The following AFF3 variants were observed in gnomAD, a reference collection of about 807,000 sequenced individuals.
AFF3 encodes AF4/FMR2 family member 3.
Under a neutral mutation model 129.7 loss-of-function variants are expected in AFF3, and 32 were observed. The ratio of observed to expected loss-of-function variants is 0.25; its 90% CI spans 0.19 to 0.33. The LOEUF (loss-of-function observed/expected upper bound fraction) is 0.33. Among genes scored for constraint, AFF3 ranks in the 10% least tolerant of loss-of-function variants. The probability of loss-of-function intolerance (pLI) is 1.00; values close to 1 mark genes in which losing one functional copy is unlikely to be tolerated. For synonymous variants in AFF3, 644 were observed against 635.4 expected (o/e 1.01, Z -0.20); for missense variants, 1,373 against 1,592.0 (o/e 0.86, Z 2.34).
At chr2:99,884,146 A>G (rs1174678105) in intron 7 of AFF3, among the ~76,000 whole-genome samples, 1 of 152,222 alleles carries the variant, frequency 6.6e-6, no homozygotes, top group Non-Finnish European at 1.5e-5. Flanking sequence ...TGAGCAGACA[A>G]CTATTTTTGA....
chr2:99,691,278 ATACT>A (rs760799570), intron 11 of AFF3, among the ~76,000 whole-genome samples: 6 of 152,166 alleles, frequency 3.9e-5, no homozygotes, highest in African/African-American at 1.2e-4. Context: ...GTTCAAGGGG[ATACT>A]TAGAGTCTCA....
intron 7 of AFF3, among the ~76,000 whole-genome samples, chr2:99,909,966 T>C (rs185991008): frequency 2.1e-4 from 32 of 152,210 alleles, no homozygotes; most frequent in African/African-American, 6.7e-4. Context: ...TTCCTCACAA[T>C]GTGACATTAT....
At chr2:99,576,904 T>C (rs1432995789) in intron 18 of AFF3, among the ~76,000 whole-genome samples, 1 of 152,178 alleles carries the variant, frequency 6.6e-6, no homozygotes, top group Non-Finnish European at 1.5e-5. Context: ...TCCCACTCCA[T>C]GCCCTCCCTG....
intron 7 of AFF3, among the ~76,000 whole-genome samples, chr2:99,935,485 A>G (rs920623472): frequency 2.6e-5 from 4 of 152,242 alleles, no homozygotes; most frequent in Non-Finnish European, 5.9e-5. Flanking sequence ...CTAAGAACAA[A>G]GTACCATGAA....
chr2:99,685,686 A>G (rs1674987669), intron 11 of AFF3, among the ~76,000 whole-genome samples: 1 of 152,140 alleles, frequency 6.6e-6, no homozygotes, highest in African/African-American at 2.4e-5. Context: ...TAAGTGCAAG[A>G]AAAAAAATTC....
chr2:99,915,836 G>T (rs369968234), intron 7 of AFF3, among the ~76,000 whole-genome samples: 253 of 152,046 alleles, frequency 1.7e-3, no homozygotes, highest in African/African-American at 5.9e-3. Context: ...TTTAATTATG[G>T]AATTGAATTG....
chr2:99,623,151 CT>C (rs77383046), intron 13 of AFF3, among the ~76,000 whole-genome samples: 7,206 of 124,124 alleles, frequency 0.058, 202 homozygotes, highest in African/African-American at 0.083. Context: ...ACCTCTGGTT[CT>C]TTTTTTTTTT....
intron 2 of AFF3, chr2:100,112,664 T>G (rs1691559335): frequency 6.6e-6 from 1 of 152,296 alleles, no homozygotes; most frequent in Admixed American, 6.5e-5. Context: ...CACTCCATCC[T>G]AGGTGAAAGA....
intron 8 of AFF3, among the ~76,000 whole-genome samples, chr2:99,816,067 C>T (rs1295185128): frequency 1.3e-5 from 2 of 148,628 alleles, no homozygotes; most frequent in African/African-American, 5.0e-5. Flanking sequence ...AATCTCATTG[C>T]ATTTCAGTTT....
intron 1 of AFF3, among the ~76,000 whole-genome samples, chr2:100,137,917 GT>G (rs1692700731): frequency 6.6e-6 from 1 of 152,116 alleles, no homozygotes; most frequent in Admixed American, 6.5e-5. Flanking sequence ...GAATTCCTTG[GT>G]CTTCATACTC....
chr2:99,738,154 G>A (rs1186933753), intron 10 of AFF3, among the ~76,000 whole-genome samples: 1 of 151,940 alleles, frequency 6.6e-6, no homozygotes, highest in Non-Finnish European at 1.5e-5. Flanking sequence ...TCTTGCTCGT[G>A]GTCTCGTTTC....
chr2:99,998,276 T>C (rs1282282423), intron 7 of AFF3, among the ~76,000 whole-genome samples: 2 of 152,010 alleles, frequency 1.3e-5, no homozygotes, highest in African/African-American at 2.4e-5. Flanking sequence ...ATGGGTTGAT[T>C]TGTTCATCAG....
Position 99,765,646 on chromosome 2 carries a change from T to C in AFF3, c.922-13345A>G, listed in dbSNP as rs1028774212. Among the ~76,000 whole-genome samples, 4 of 152,344 alleles carry C rather than the reference T, an allele frequency of 2.6e-5. No individual in the cohort carries two copies. The East Asian group carries it at 7.7e-4, about 29-fold the overall frequency. ...ATAGCTGGCACATAGTAGGTGCTCA[T>C]AAAAAATAATTATTGCTGTATTGCT... On this transcript the variant is annotated intron_variant, in intron 8 of 24. Transcript: ENST00000672756.
At chr2:99,889,572 AT>A (rs1693386284) in intron 7 of AFF3, among the ~76,000 whole-genome samples, 1 of 152,186 alleles carries the variant, frequency 6.6e-6, no homozygotes, top group Non-Finnish European at 1.5e-5. Context: ...AAAAGCTATA[AT>A]GCTATCTTTA....
intron 12 of AFF3, among the ~76,000 whole-genome samples, chr2:99,668,456 C>A (rs1425662755): frequency 6.6e-6 from 1 of 151,922 alleles, no homozygotes; most frequent in Non-Finnish European, 1.5e-5. Context: ...AGGCATGAGC[C>A]ACCACACCCC....
chr2:99,982,996 T>A (rs781204104), intron 7 of AFF3, among the ~76,000 whole-genome samples: 7 of 152,216 alleles, frequency 4.6e-5, no homozygotes, highest in Non-Finnish European at 1.0e-4. Context: ...CATTCATACT[T>A]CAAGTACATA....
chr2:99,693,581 G>GAT (rs1675889645), intron 11 of AFF3, among the ~76,000 whole-genome samples: 1 of 152,026 alleles, frequency 6.6e-6, no homozygotes, highest in Non-Finnish European at 1.5e-5. Context: ...TGGCCTCCTG[G>GAT]ATACTGCAAT....
intron 13 of AFF3, 82 bp downstream of exon 13, chr2:99,649,544 C>T (rs775121598): frequency 6.7e-5 from 99 of 1,468,706 alleles, no homozygotes; most frequent in Non-Finnish European, 8.6e-5. Context: ...GGACAAAATC[C>T]GATTATGAAT....
At chr2:99,565,974 C>T (rs1345777284) in intron 19 of AFF3, among the ~76,000 whole-genome samples, 2 of 152,182 alleles carry the variant, frequency 1.3e-5, no homozygotes, top group South Asian at 2.1e-4. Context: ...GCTAAATATG[C>T]ATCAAAGTTG....
Sources: allele counts gnomAD v4.1 joint callset (sites outside exome capture counted in the v4.1 genomes callset), GRCh38; gene constraint gnomAD v4.1.1; transcripts MANE v1.5; gene names NCBI Gene and HGNC (gene_info 2026-07-23, HGNC 2026-07-21).